STAB2: variants seen among roughly 807,000 people sequenced by gnomAD.
STAB2 encodes the protein stabilin-2.
STAB2 carries 288 observed loss-of-function variants against 338.1 expected under a neutral mutation model. The ratio of observed to expected loss-of-function variants is 0.85; its 90% CI spans 0.77 to 0.94. STAB2 has a LOEUF of 0.94. Among genes scored for constraint, STAB2 ranks in the 40% least tolerant of loss-of-function variants. The pLI, the probability that STAB2 is intolerant of heterozygous loss-of-function variation, is 0.00. For missense variants in STAB2, 3,141 were observed against 3,210.1 expected (o/e 0.98, Z 0.52); for synonymous variants, 1,202 against 1,193.3 (o/e 1.01, Z -0.15).
intron 63 of STAB2, 182 bp from the exon 64 acceptor site, chr12:103,757,988 G>C: frequency 1.2e-6 from 1 of 833,000 alleles, no homozygotes; most frequent in South Asian, 1.8e-5. Context: ...GATTCACTGA[G>C]GAAAGGAAAA....
chr12:103,737,586 C>CTG, intron 52 of STAB2, 48 bp from the exon 53 acceptor site: 1 of 1,347,744 alleles, frequency 7.4e-7, no homozygotes, highest in Non-Finnish European at 1.0e-6. Flanking sequence ...CTCTCTCTCT[C>CTG]TCTCTCTCTC....
chr12:103,591,671 T>C (rs1454217444), intron 2 of STAB2, among the ~76,000 whole-genome samples: 1 of 152,188 alleles, frequency 6.6e-6, no homozygotes, highest in Non-Finnish European at 1.5e-5. Context: ...TCTTCAGCTA[T>C]GGACCTTGAT....
chr12:103,733,204 A>G (rs759474718), intron 51 of STAB2, 22 bp downstream of exon 51: 64 of 1,611,400 alleles, frequency 4.0e-5, no homozygotes, highest in Non-Finnish European at 5.1e-5. Context: ...ACATGCAGAC[A>G]TAAGTGCAAG....
chr12:103,657,747 C>T (rs2138756630), intron 15 of STAB2: 1 of 152,298 alleles, frequency 6.6e-6, no homozygotes, highest in South Asian at 2.1e-4. Context: ...ATTTCAATTT[C>T]TAGGTGAGAA....
At position 103,620,500 on chromosome 12, in the gene STAB2, G is replaced by T. The variant is rs1327982988; in HGVS notation, c.364G>T (p.Gly122Cys). Residue 122 changes from glycine (G) to cysteine (C), a missense_variant, in exon 4 of 69, where the codon GGC becomes TGC. By Grantham distance (159) the Gly-to-Cys change is radical. Transcript: ENST00000388887. ...CPGGAGSPCN[G>C]RGSCAEGMEG... Reference sequence around the variant, plus strand: ...AGGTGGAGCGGGGTCACCCTGCAATGGCAGAGGCAGTTGTGCTGAAGGCAT... The same window carrying T: ...AGGTGGAGCGGGGTCACCCTGCAATTGCAGAGGCAGTTGTGCTGAAGGCAT... The T allele has an allele frequency of 6.3e-7, 1 of 1,584,548 alleles. No homozygotes were observed. Among genetic ancestry groups the T allele is most frequent in the Non-Finnish European group, 8.6e-7 (1 of 1,163,950 alleles).
At chr12:103,729,987 C>G (rs1182168907) in intron 48 of STAB2, 129 bp from the exon 49 acceptor site, 1 of 786,510 alleles carries the variant, frequency 1.3e-6, no homozygotes, top group East Asian at 2.8e-5. Context: ...AAAATACACT[C>G]AAGTATTAAC....
chr12:103,715,866 GCA>G lies in STAB2; in HGVS notation c.4594_4595del (p.Gln1532AspfsTer9). Reference sequence around the variant, plus strand: ...GGTGGCTGTGACAAGAATGCGGAGTGCACACAGACAGGACCCAACCAGGTGAG... The same window carrying G: ...GGTGGCTGTGACAAGAATGCGGAGTGCACAGACAGGACCCAACCAGGTGAG... On this transcript the variant is annotated frameshift_variant, in exon 43 of 69. Coordinates refer to ENST00000388887, the MANE Select transcript of STAB2 (RefSeq NM_017564.10). LOFTEE classifies it high-confidence loss of function. 6.2e-7 allele frequency: 1 copy of G among 1,614,102 alleles called. No individual in the cohort carries two copies. Among genetic ancestry groups the G allele is most frequent in the Non-Finnish European group, 8.5e-7 (1 of 1,179,980 alleles).
Position 103,695,569 on chromosome 12 carries a change from G to C in STAB2, c.3395G>C (p.Arg1132Pro). The stretch of plus-strand genomic sequence containing the variant: ...TTTCAGGTGCTGGTCCCACAAAGAC[G>C]TCTAACTGGCTCCTTACCAAACCTG... ...IINKVLVPQR[R>P]LTGSLPNLLM... Residue 1132 changes from arginine (R) to proline (P), a missense_variant, in exon 32 of 69, where the codon CGT (arginine) becomes CCT (proline). Coordinates refer to ENST00000388887, the MANE Select transcript of STAB2 (RefSeq NM_017564.10). 6.2e-7 allele frequency: 1 copy of C among 1,614,186 alleles called. No individual in the cohort carries two copies. The highest frequency in any genetic ancestry group is 8.5e-7 in the Non-Finnish European group (1 of 1,180,030).
At chr12:103,734,819 G>A (rs1177103484) in intron 51 of STAB2, among the ~76,000 whole-genome samples, 1 of 152,142 alleles carries the variant, frequency 6.6e-6, no homozygotes, top group African/African-American at 2.4e-5. Flanking sequence ...TGGAGTTTCT[G>A]AGGGAGAATT....
chr12:103,739,488 T>C lies in STAB2; in HGVS notation c.5754+20T>C, dbSNP rs774772979. 9 of 1,566,612 alleles carry C rather than the reference T, an allele frequency of 5.7e-6. No homozygotes were observed. The highest frequency in any genetic ancestry group is 7.8e-6 in the Non-Finnish European group (9 of 1,155,942). On this transcript the variant is annotated intron_variant, in intron 54 of 68. Transcript: ENST00000388887. ...CCAAAGGTAATTAAGACTGCAGTGA[T>C]AATGTTTGGAGAGCCATAGGTCTGT... is the stretch of plus-strand genomic sequence containing the variant.
At chr12:103,635,745 A>G (rs1432777126) in intron 6 of STAB2, among the ~76,000 whole-genome samples, 1 of 152,214 alleles carries the variant, frequency 6.6e-6, no homozygotes, top group African/African-American at 2.4e-5. Flanking sequence ...CATGACAGAG[A>G]GGTGGCTTCT....
intron 31 of STAB2, among the ~76,000 whole-genome samples, chr12:103,693,477 C>T (rs1878130508): frequency 6.6e-6 from 1 of 151,544 alleles, no homozygotes; most frequent in Non-Finnish European, 1.5e-5. Context: ...AGCACCCTGG[C>T]ACTGTGAAGT....
chr12:103,742,730 A>T (rs956703831), intron 56 of STAB2, among the ~76,000 whole-genome samples, 176 bp downstream of exon 56: 1 of 152,146 alleles, frequency 6.6e-6, no homozygotes. Flanking sequence ...CCAGTTTCCA[A>T]TGAAAAAGCT....
intron 12 of STAB2, among the ~76,000 whole-genome samples, chr12:103,652,913 G>A (rs1419588043): frequency 6.6e-6 from 1 of 152,210 alleles, no homozygotes; most frequent in Non-Finnish European, 1.5e-5. Context: ...TATGCAAATG[G>A]GGTTACAAAG....
chr12:103,596,074 G>A (rs1484988125), intron 3 of STAB2, among the ~76,000 whole-genome samples: 2 of 152,128 alleles, frequency 1.3e-5, no homozygotes, highest in African/African-American at 4.8e-5. Context: ...TAAGAATCAG[G>A]TGTCTTTTAA....
rs1177728766 is a variant in STAB2, at chr12:103,638,152, A to G, written c.846A>G (p.Gln282=). The G allele has an allele frequency of 6.2e-7, 1 of 1,614,066 alleles. No homozygotes were observed. Among genetic ancestry groups the G allele is most frequent in the Non-Finnish European group, 8.5e-7 (1 of 1,180,040 alleles). The stretch of plus-strand genomic sequence containing the variant: ...TGTGCTTGCCTGTGGACCCCTGCCA[A>G]ATTAACTTTGGAAACTGCCCTACAA... ...GQVCLPVDPC[Q]INFGNCPTKS... The change falls in exon 8 of 69, where the codon CAA becomes CAG. Residue 282 remains glutamine (Q), a synonymous_variant. Transcript: ENST00000388887.
At chr12:103,750,964 C>A (rs903127957) in intron 60 of STAB2, among the ~76,000 whole-genome samples, 1 of 152,274 alleles carries the variant, frequency 6.6e-6, no homozygotes, top group African/African-American at 2.4e-5. Flanking sequence ...TGGCAGTGCG[C>A]GCCTGTAATC....
At chr12:103,604,886 A>G (rs1957004330) in intron 3 of STAB2, among the ~76,000 whole-genome samples, 1 of 151,084 alleles carries the variant, frequency 6.6e-6, no homozygotes, top group South Asian at 2.1e-4. Context: ...CTTGGGTTTC[A>G]TGTGCTATTA....
rs183156675 is a variant in STAB2, at chr12:103,647,608, G to A, written c.1041-1082G>A. 4.6e-5 allele frequency among the ~76,000 whole-genome samples: 7 copies of A among 152,284 alleles called. No homozygotes were observed. The East Asian group carries it at 1.4e-3, about 29-fold the overall frequency. On this transcript the variant is annotated intron_variant, in intron 9 of 68. Transcript: ENST00000388887. ...GTGGTCTGCTATAGCCAGAGCTTAT[G>A]GACTCACAAGAGCTGAGTTTTAAAG... is the stretch of plus-strand genomic sequence containing the variant.
Sources: allele counts gnomAD v4.1 joint callset (sites outside exome capture counted in the v4.1 genomes callset), GRCh38; gene constraint gnomAD v4.1.1; transcripts MANE v1.5; gene names NCBI Gene and HGNC (gene_info 2026-07-23, HGNC 2026-07-21).